The following HSD17B12 variants were observed in gnomAD, a reference collection of about 807,000 sequenced individuals.
HSD17B12 encodes the protein hydroxysteroid 17-beta dehydrogenase 12, also known as very-long-chain 3-oxoacyl-CoA reductase.
A neutral mutation model predicts 39.3 loss-of-function variants in HSD17B12; 32 were observed. That is an observed-to-expected ratio of 0.81 (90% CI 0.61 to 1.09). HSD17B12 has a LOEUF of 1.09. Ranked by LOEUF, HSD17B12 falls within the 50% of genes least tolerant of loss-of-function variation. The pLI, the probability that HSD17B12 is intolerant of heterozygous loss-of-function variation, is 0.00. For missense variants in HSD17B12, 342 were observed against 382.9 expected (o/e 0.89, Z 0.89); for synonymous variants, 150 against 146.7 (o/e 1.02, Z -0.16).
intron 3 of HSD17B12, among the ~76,000 whole-genome samples, chr11:43,779,525 C>T (rs1236301307): frequency 6.6e-6 from 1 of 152,114 alleles, no homozygotes; most frequent in Non-Finnish European, 1.5e-5. Context: ...ATCTGTCTTC[C>T]TCTGTGAATC....
At chr11:43,829,630 T>G (rs985480173) in intron 6 of HSD17B12, 2 of 152,158 alleles carry the variant, frequency 1.3e-5, no homozygotes, top group African/African-American at 4.8e-5. Flanking sequence ...CCTTCTGGAC[T>G]CCACTTAGCT....
the HSD17B12 span, among the ~76,000 whole-genome samples, chr11:43,647,752 TC>T: frequency 3.9e-5 from 6 of 152,188 alleles, no homozygotes; most frequent in East Asian, 1.2e-3. Flanking sequence ...GGTTTTAGAT[TC>T]CAGTACTCTT....
the HSD17B12 span, among the ~76,000 whole-genome samples, chr11:43,656,017 G>T: frequency 2.0e-5 from 3 of 152,186 alleles, no homozygotes; most frequent in African/African-American, 4.8e-5. Flanking sequence ...AGAATTTGGC[G>T]GTGAATCCAT....
chr11:43,618,714 C>T, the HSD17B12 span, among the ~76,000 whole-genome samples: 1 of 152,130 alleles, frequency 6.6e-6, no homozygotes, highest in African/African-American at 2.4e-5. Context: ...AAACTACTTG[C>T]AAAATTCCAT....
intron 4 of HSD17B12, among the ~76,000 whole-genome samples, chr11:43,810,512 T>A (rs1435871058): frequency 1.3e-5 from 2 of 152,066 alleles, no homozygotes; most frequent in Admixed American, 1.3e-4. Flanking sequence ...TAGCTAAGCA[T>A]GGCCTATGTC....
the HSD17B12 span, among the ~76,000 whole-genome samples, chr11:43,629,746 C>G: frequency 6.6e-6 from 1 of 152,196 alleles, no homozygotes; most frequent in Non-Finnish European, 1.5e-5. Flanking sequence ...CCGGGTTGGA[C>G]TTCCAGCCAC....
chr11:43,799,890 G>A (rs1950950112), intron 4 of HSD17B12, among the ~76,000 whole-genome samples: 1 of 152,046 alleles, frequency 6.6e-6, no homozygotes, highest in Non-Finnish European at 1.5e-5. Context: ...CCCAGCTCCT[G>A]CCTGGTCCAT....
chr11:43,587,216 C>T, the HSD17B12 span, among the ~76,000 whole-genome samples: 1 of 152,020 alleles, frequency 6.6e-6, no homozygotes, highest in African/African-American at 2.4e-5. Flanking sequence ...TGAGTTTCTG[C>T]ACTATGTATC....
the HSD17B12 span, among the ~76,000 whole-genome samples, chr11:43,639,416 GC>G: frequency 6.6e-6 from 1 of 152,204 alleles, no homozygotes; most frequent in African/African-American, 2.4e-5. Context: ...TTCAGTATCT[GC>G]TTGTTGTGCT....
the HSD17B12 span, among the ~76,000 whole-genome samples, chr11:43,583,300 C>T: frequency 6.6e-6 from 1 of 152,236 alleles, no homozygotes; most frequent in Admixed American, 6.5e-5. Context: ...CAAGGAGCAA[C>T]GGCCGAACCC....
chr11:43,722,550 A>G (rs1356261500), intron 1 of HSD17B12, among the ~76,000 whole-genome samples: 2 of 152,060 alleles, frequency 1.3e-5, no homozygotes, highest in African/African-American at 4.8e-5. Context: ...TGTCTCTACA[A>G]AAAATTTAAG....
chr11:43,619,180 T>A, the HSD17B12 span, among the ~76,000 whole-genome samples: 3,123 of 75,260 alleles, frequency 0.041, 152 homozygotes, highest in African/African-American at 0.14. Flanking sequence ...TATATATATA[T>A]AAAATATATA....
upstream of HSD17B12, among the ~76,000 whole-genome samples, chr11:43,678,167 G>A (rs370963775): frequency 2.3e-4 from 34 of 148,560 alleles, no homozygotes; most frequent in African/African-American, 7.4e-4. Context: ...TTTGATTTGC[G>A]TTTCTCTGAT....
intron 4 of HSD17B12, among the ~76,000 whole-genome samples, chr11:43,813,999 GTTA>G (rs1951097672): frequency 1.3e-5 from 2 of 152,170 alleles, no homozygotes; most frequent in South Asian, 2.1e-4. Flanking sequence ...CTATTGAAAA[GTTA>G]TTATTACTAA....
At chr11:43,671,385 TG>T in the HSD17B12 span, among the ~76,000 whole-genome samples, 1 of 152,268 alleles carries the variant, frequency 6.6e-6, no homozygotes, top group Non-Finnish European at 1.5e-5. Context: ...TTCGCCATGT[TG>T]GCCAGACTGG....
chr11:43,647,572 C>G, the HSD17B12 span, among the ~76,000 whole-genome samples: 1 of 151,892 alleles, frequency 6.6e-6, no homozygotes, highest in Non-Finnish European at 1.5e-5. Context: ...ACACATGACC[C>G]TAAGCAGTTC....
At chr11:43,568,634 C>T in the HSD17B12 span, among the ~76,000 whole-genome samples, 1 of 152,126 alleles carries the variant, frequency 6.6e-6, no homozygotes, top group Admixed American at 6.6e-5. Context: ...AGATAGTGCC[C>T]ACACATTTTA....
At chr11:43,700,774 TA>T (rs990687593) in intron 1 of HSD17B12, among the ~76,000 whole-genome samples, 21 of 152,202 alleles carry the variant, frequency 1.4e-4, no homozygotes, top group African/African-American at 4.8e-4. Context: ...TTAGCTATTG[TA>T]AACAGTGCTG....
intron 3 of HSD17B12, among the ~76,000 whole-genome samples, chr11:43,763,311 C>G (rs142709343): frequency 2.6e-5 from 4 of 152,072 alleles, no homozygotes; most frequent in African/African-American, 9.6e-5. Context: ...CTAGCATATA[C>G]AGAAACAAGA....
Sources: gnomAD v4.1 joint callset for allele counts (sites outside exome capture counted in the v4.1 genomes callset) on GRCh38, gnomAD v4.1.1 for gene constraint, MANE v1.5 for transcripts, NCBI Gene and HGNC (gene_info 2026-07-23, HGNC 2026-07-21) for gene names.